Variants in SLC12A2 observed in about 807,000 individuals in gnomAD.
SLC12A2 encodes solute carrier family 12 member 2, also known as Na-K-2Cl cotransporter 1.
A neutral mutation model predicts 136.3 loss-of-function variants in SLC12A2; 67 were observed. The ratio of observed to expected loss-of-function variants is 0.49; its 90% CI spans 0.40 to 0.60. SLC12A2 has a LOEUF of 0.60. Among genes scored for constraint, SLC12A2 ranks in the 20% least tolerant of loss-of-function variants. The probability of loss-of-function intolerance (pLI) is 0.00; values close to 1 mark genes in which losing one functional copy is unlikely to be tolerated. For synonymous variants in SLC12A2, 619 were observed against 562.9 expected (o/e 1.10, Z -1.41); for missense variants, 1,322 against 1,534.7 (o/e 0.86, Z 2.32).
In SLC12A2 at chr5:128,135,682, T is replaced by C. The variant is rs1407371848; in HGVS notation, c.1300-18T>C. On this transcript the variant is annotated intron_variant, in intron 6 of 26. Transcript: ENST00000262461. ...AAACAAGATACTTGATTTTAATTTT[T>C]AATGTTTAAAATTGCAGGCTCAGAT... 6.9e-7 allele frequency: 1 copy of C among 1,448,090 alleles called. No homozygotes were observed. The highest frequency in any genetic ancestry group is 2.3e-5 in the East Asian group (1 of 44,042). The allele number at this position is 1,448,090 out of a possible 1,614,324, so 89.7% of individuals were successfully genotyped here.
At chr5:128,141,053 T>TAA (rs368447194) in intron 9 of SLC12A2, among the ~76,000 whole-genome samples, 1 of 152,336 alleles carries the variant, frequency 6.6e-6, no homozygotes, top group Non-Finnish European at 1.5e-5. Context: ...TAAGGAATGG[T>TAA]AATTACCATT....
chr5:128,182,829 CT>C (rs764433540), intron 23 of SLC12A2, 25 bp from the exon 24 acceptor site: 200 of 1,511,622 alleles, frequency 1.3e-4, no homozygotes, highest in Non-Finnish European at 1.8e-4. Context: ...ATACTTGTAT[CT>C]TAATTCTATT....
intron 1 of SLC12A2, among the ~76,000 whole-genome samples, chr5:128,106,225 A>C (rs1323111231): frequency 6.6e-6 from 1 of 152,232 alleles, no homozygotes; most frequent in East Asian, 1.9e-4. Flanking sequence ...ATTAGTGTGG[A>C]ATATACAGTA....
chr5:128,182,913 G>T lies in SLC12A2; in HGVS notation c.3271G>T (p.Asp1091Tyr), dbSNP rs751227714. Residue 1091 changes from aspartate to tyrosine, a missense_variant, in exon 24 of 27, where the codon GAT becomes TAT. Physicochemically the swap from Asp to Tyr is radical, Grantham distance 160 (BLOSUM62 -3). Coordinates refer to ENST00000262461, the MANE Select transcript of SLC12A2 (RefSeq NM_001046.3). ...CTTTTCTGATATCATGGTTCTAGGA[G>T]ATATCAATACCAAACCAAAGAAAGA... Reference protein sequence around the residue: ...IDFSDIMVLGDINTKPKKENI... With the variant: ...IDFSDIMVLGYINTKPKKENI... 2 of 1,610,312 alleles carry T rather than the reference G, an allele frequency of 1.2e-6. No individual in the cohort carries two copies. Among genetic ancestry groups the T allele is most frequent in the South Asian group, 2.2e-5 (2 of 90,542 alleles).
chr5:128,089,108 C>T (rs1760209969), intron 1 of SLC12A2, among the ~76,000 whole-genome samples: 1 of 146,564 alleles, frequency 6.8e-6, no homozygotes, highest in African/African-American at 2.5e-5. Flanking sequence ...GTGGAGATTG[C>T]AGTGAGCCAA....
chr5:128,114,447 G>T lies in SLC12A2; in HGVS notation c.953-139G>T. 7.2e-6 allele frequency: 6 copies of T among 830,316 alleles called. 1 individual carries two copies. In the South Asian group the frequency reaches 1.0e-4, roughly 14 times the overall value. The allele number at this position is 830,316 out of a possible 1,614,324, so 51.4% of individuals were successfully genotyped here. ...TTCCTTTTTTCATAATTCTGATTTG[G>T]TTTTTATAAAATGAGATCAAAATTG... On this transcript the variant is annotated intron_variant, in intron 3 of 26. Transcript: ENST00000262461.
rs1462747870 is a variant in SLC12A2, at chr5:128,180,786, A to G, written c.3101-97A>G. 9.6e-6 allele frequency: 7 copies of G among 726,138 alleles called. No homozygotes were observed. The East Asian group carries it at 1.3e-4, about 13-fold the overall frequency. The allele number at this position is 726,138 out of a possible 1,614,324, so 45.0% of individuals were successfully genotyped here. On this transcript the variant is annotated intron_variant, in intron 22 of 26. Coordinates refer to ENST00000262461, the MANE Select transcript of SLC12A2 (RefSeq NM_001046.3). The stretch of plus-strand genomic sequence containing the variant: ...AAGGACAGAAAGATTTTTGTTTCAT[A>G]TGGAGTTGTAGTAAACATGTTTTTC...
chr5:128,099,709 A>T (rs1447016431), intron 1 of SLC12A2, among the ~76,000 whole-genome samples: 1 of 152,140 alleles, frequency 6.6e-6, no homozygotes, highest in Non-Finnish European at 1.5e-5. Flanking sequence ...TCTTTTAAAC[A>T]TCTGTTTTTT....
chr5:128,174,133 C>T (rs1425107112), intron 19 of SLC12A2, among the ~76,000 whole-genome samples: 1 of 152,126 alleles, frequency 6.6e-6, no homozygotes, highest in African/African-American at 2.4e-5. Context: ...GATTCTCCAG[C>T]TCGTAATTCA....
At chr5:128,175,197 T>C (rs1561704375) in intron 20 of SLC12A2, among the ~76,000 whole-genome samples, 1 of 152,108 alleles carries the variant, frequency 6.6e-6, no homozygotes, top group Non-Finnish European at 1.5e-5. Context: ...GTAACATACT[T>C]TTGATTCCTG....
chr5:128,167,777 G>A lies in SLC12A2; in HGVS notation c.2633G>A (p.Arg878His), dbSNP rs1408451083. The change falls in exon 18 of 27, where the codon CGT becomes CAT. Residue 878 changes from arginine (R) to histidine (H), a missense_variant. By Grantham distance (29) the Arg-to-His change is conservative. Around this residue, in one of 8 missense-constraint regions of SLC12A2, gnomAD observed 226 missense variants for 210.4 expected, o/e 1.07. Coordinates refer to ENST00000262461, the MANE Select transcript of SLC12A2 (RefSeq NM_001046.3). ...ATATTTTAGGCTGCTGGTCTTGGTC[G>A]TATGAAGCCAAACACACTTGTCCTT... ...QYLMQAAGLGRMKPNTLVLGF... is the reference protein window; with the variant it reads ...QYLMQAAGLGHMKPNTLVLGF... 26 of 1,606,262 alleles carry A rather than the reference G, an allele frequency of 1.6e-5. No homozygotes were observed. Among genetic ancestry groups the A allele is most frequent in the Non-Finnish European group, 2.0e-5 (23 of 1,176,900 alleles).
chr5:128,117,376 C>CA (rs778189908), intron 4 of SLC12A2, among the ~76,000 whole-genome samples: 8 of 151,864 alleles, frequency 5.3e-5, no homozygotes, highest in Non-Finnish European at 1.0e-4. Flanking sequence ...TGAAACAAAC[C>CA]AAAAAATCTC....
intron 1 of SLC12A2, among the ~76,000 whole-genome samples, chr5:128,104,561 G>A (rs1018697946): frequency 6.6e-6 from 1 of 151,908 alleles, no homozygotes; most frequent in Admixed American, 6.6e-5. Flanking sequence ...GAACCCGGGA[G>A]GCAGAGGTTG....
chr5:128,186,461 GTT>G (rs11382084), intron 26 of SLC12A2, 33 bp from the exon 27 acceptor site: 25 of 1,322,712 alleles, frequency 1.9e-5, no homozygotes, highest in South Asian at 4.5e-5. Context: ...ATTGCTCAGG[GTT>G]TTTTTTTTTT....
In SLC12A2 at chr5:128,111,100, T is replaced by A. The variant is rs558426067; in HGVS notation, c.757-1714T>A. On this transcript the variant is annotated intron_variant, in intron 1 of 26. Transcript: ENST00000262461. ...CATGGACAATATAAAATCTGTGTGA[T>A]TGTTTGCAGTATGAAGATAACGTTT... 10 of 488,138 alleles carry A rather than the reference T, an allele frequency of 2.0e-5. No individual in the cohort carries two copies. In the South Asian group the frequency reaches 2.3e-4, roughly 11 times the overall value. 30.2% of individuals were successfully genotyped at this position (488,138 alleles called of 1,614,324 possible).
chr5:128,083,981 C>T lies in SLC12A2; in HGVS notation c.27C>T (p.Ser9=), dbSNP rs1436311470. Residue 9 remains serine (S), a synonymous_variant, in exon 1 of 27, where the codon TCC becomes TCT. Coordinates refer to ENST00000262461, the MANE Select transcript of SLC12A2 (RefSeq NM_001046.3). ...TGGAGCCGCGGCCCACGGCGCCCTC[C>T]TCCGGCGCCCCGGGACTGGCCGGGG... MEPRPTAP[S]SGAPGLAGVG... 3.6e-5 allele frequency: 45 copies of T among 1,242,278 alleles called. No homozygotes were observed. Among genetic ancestry groups the T allele is most frequent in the Non-Finnish European group, 4.2e-5 (42 of 993,652 alleles). 77.0% of individuals were successfully genotyped at this position (1,242,278 alleles called of 1,614,324 possible).
At chr5:128,151,079 A>G (rs768867289) in intron 13 of SLC12A2, among the ~76,000 whole-genome samples, 162 bp from the exon 14 acceptor site, 42 of 152,150 alleles carry the variant, frequency 2.8e-4, no homozygotes, top group Middle Eastern at 3.4e-3. Flanking sequence ...ATTGTGATCA[A>G]TAATAGTCTT....
chr5:128,126,646 C>G (rs1200242504), intron 4 of SLC12A2, among the ~76,000 whole-genome samples: 1 of 151,986 alleles, frequency 6.6e-6, no homozygotes, highest in Non-Finnish European at 1.5e-5. Context: ...CTTTTTCTTT[C>G]AAATCTCTAG....
Position 128,126,966 on chromosome 5 carries a change from A to ATATATATATATATATATATAATTTTT in SLC12A2, c.1049-4100_1049-4099insATATATATATATATATATAATTTTTT. 8.0e-4 allele frequency among the ~76,000 whole-genome samples: 17 copies of ATATATATATATATATATATAATTTTT among 21,160 alleles called. 1 individual carries two copies. The highest frequency in any genetic ancestry group is 9.9e-4 in the African/African-American group (4 of 4,030). 13.9% of individuals were successfully genotyped at this position (21,160 alleles called of 152,430 possible). A position where few individuals can be genotyped will look rare whatever the true frequency, so the allele number is the denominator to read the frequency against. ...CATATATATATATATATATATATAT[A>ATATATATATATATATATATAATTTTT]TTTTTTTTTTTTTTTTTTTTTGCAT... On this transcript the variant is annotated intron_variant, in intron 4 of 26. Transcript: ENST00000262461.
Sources: gnomAD v4.1 joint callset for allele counts (sites outside exome capture counted in the v4.1 genomes callset) on GRCh38, gnomAD v4.1.1 for gene constraint, gnomAD v4.1.1 regional missense constraint, MANE v1.5 for transcripts, NCBI Gene and HGNC (gene_info 2026-07-23, HGNC 2026-07-21) for gene names.